Variants in TRAPPC9 observed in about 807,000 individuals in gnomAD.
TRAPPC9 encodes trafficking protein particle complex subunit 9.
Under a neutral mutation model 124.0 loss-of-function variants are expected in TRAPPC9, and 83 were observed. That is an observed-to-expected ratio of 0.67 (90% confidence interval 0.56 to 0.80). The LOEUF is 0.80. Among genes scored for constraint, TRAPPC9 ranks in the 30% least tolerant of loss-of-function variants. The pLI, the probability that TRAPPC9 is intolerant of heterozygous loss-of-function variation, is 0.00. For synonymous variants in TRAPPC9, 638 were observed against 617.5 expected (o/e 1.03, Z -0.49); for missense variants, 1,302 against 1,508.3 (o/e 0.86, Z 2.27).
intron 21 of TRAPPC9, among the ~76,000 whole-genome samples, chr8:139,810,608 G>A (rs1824374581): frequency 6.6e-6 from 1 of 152,180 alleles, no homozygotes; most frequent in South Asian, 2.1e-4. Flanking sequence ...GGATGAACAG[G>A]ACCTCGGTGG....
chr8:140,397,855 C>A, intron 6 of TRAPPC9, 110 bp from the exon 7 acceptor site: 1 of 1,409,006 alleles, frequency 7.1e-7, no homozygotes, highest in Non-Finnish European at 9.9e-7. Context: ...CTTCCCCCAT[C>A]ACAGGGCTCC....
chr8:139,884,110 G>A lies in TRAPPC9; in HGVS notation c.3055+1769C>T, dbSNP rs145060272. Among the ~76,000 whole-genome samples the A allele has an allele frequency of 1.5e-3, 230 of 152,192 alleles. 1 individual carries two copies. Among genetic ancestry groups the A allele is most frequent in the African/African-American group, 5.3e-3 (220 of 41,526 alleles). ...TCAAAGTGAATCGACATTTGTAAACGTGTCTGGCACACCATAAATCCCTCT... is the reference window on the plus strand; with the variant it reads ...TCAAAGTGAATCGACATTTGTAAACATGTCTGGCACACCATAAATCCCTCT... On this transcript the variant is annotated intron_variant, in intron 21 of 22. Coordinates refer to ENST00000438773, the MANE Select transcript of TRAPPC9 (RefSeq NM_001160372.4).
chr8:140,339,731 C>G (rs1433247980), intron 9 of TRAPPC9, among the ~76,000 whole-genome samples: 2 of 152,174 alleles, frequency 1.3e-5, no homozygotes, highest in Non-Finnish European at 2.9e-5. Context: ...GGCTTCAATT[C>G]AATCATCAGA....
intron 19 of TRAPPC9, among the ~76,000 whole-genome samples, chr8:139,948,957 C>T (rs970685148): frequency 6.6e-6 from 1 of 151,998 alleles, no homozygotes; most frequent in Non-Finnish European, 1.5e-5. Flanking sequence ...CCTGTAATCC[C>T]AGCTAATTGG....
In TRAPPC9 at chr8:139,967,400, G is replaced by A. The variant is rs558399137; in HGVS notation, c.2810+21326C>T. 1.9e-3 allele frequency among the ~76,000 whole-genome samples: 294 copies of A among 152,334 alleles called. 2 individuals carry two copies. The highest frequency in any genetic ancestry group is 6.8e-3 in the African/African-American group (282 of 41,570). On this transcript the variant is annotated intron_variant, in intron 19 of 22. Coordinates refer to ENST00000438773, the MANE Select transcript of TRAPPC9 (RefSeq NM_001160372.4). ...CTAAGATTCTGGGCCATTTGTTACT[G>A]GAGAATAACTTATCCTGCACAGAAT...
chr8:139,954,070 T>C (rs530592027), intron 19 of TRAPPC9, among the ~76,000 whole-genome samples: 18 of 152,276 alleles, frequency 1.2e-4, no homozygotes, highest in African/African-American at 4.3e-4. Context: ...AATAGAACTC[T>C]AGAAAGTGCA....
intron 17 of TRAPPC9, among the ~76,000 whole-genome samples, chr8:140,138,280 C>T (rs770861393): frequency 2.3e-4 from 35 of 151,828 alleles, no homozygotes; most frequent in Non-Finnish European, 4.3e-4. Context: ...CCAGCCTGGG[C>T]GACAGAGTGA....
intron 19 of TRAPPC9, among the ~76,000 whole-genome samples, chr8:139,911,029 CA>C (rs1291864672): frequency 6.6e-6 from 1 of 152,088 alleles, no homozygotes; most frequent in African/African-American, 2.4e-5. Context: ...TGGGAGGGGC[CA>C]GGGGCAGAAT....
chr8:140,252,787 ATCC>A lies in TRAPPC9; in HGVS notation c.2418_2420del (p.Gln806_Asp807delinsHis). On this transcript the variant is annotated inframe_deletion, in exon 16 of 23. Coordinates refer to ENST00000438773, the MANE Select transcript of TRAPPC9 (RefSeq NM_001160372.4). The surrounding 1 kb of genome is among the most constrained non-coding windows in gnomAD (Gnocchi z 4.2). ...TAGGAAAGCGCTTACCATCACTGAGATCCTGCAGGAGATTCTCCTGGCAGGAGA... is the reference window on the plus strand; with the variant it reads ...TAGGAAAGCGCTTACCATCACTGAGATGCAGGAGATTCTCCTGGCAGGAGA... 1 of 1,613,970 alleles carries A rather than the reference ATCC, an allele frequency of 6.2e-7. No individual in the cohort carries two copies. Among genetic ancestry groups the A allele is most frequent in the Non-Finnish European group, 8.5e-7 (1 of 1,180,010 alleles).
chr8:140,454,439 G>C (rs974861580), intron 1 of TRAPPC9, among the ~76,000 whole-genome samples: 2 of 152,016 alleles, frequency 1.3e-5, no homozygotes, highest in African/African-American at 2.4e-5. Flanking sequence ...AGGAGTTGGA[G>C]ACCAGCCTGA....
intron 17 of TRAPPC9, among the ~76,000 whole-genome samples, chr8:140,219,438 T>C (rs2063280584): frequency 6.6e-6 from 1 of 152,214 alleles, no homozygotes; most frequent in African/African-American, 2.4e-5. Context: ...CGACATCTGC[T>C]GGCCTGAAGG....
At chr8:139,860,994 T>C (rs1828103218) in intron 21 of TRAPPC9, among the ~76,000 whole-genome samples, 1 of 152,262 alleles carries the variant, frequency 6.6e-6, no homozygotes, top group Non-Finnish European at 1.5e-5. Context: ...GGCTGGCGCC[T>C]ACCGGCTTTC....
At chr8:140,323,799 G>T (rs2066662815) in intron 9 of TRAPPC9, among the ~76,000 whole-genome samples, 1 of 152,062 alleles carries the variant, frequency 6.6e-6, no homozygotes, top group South Asian at 2.1e-4. Flanking sequence ...ATACAAGATG[G>T]TAGACTTGAA....
At chr8:140,181,466 T>C (rs1323486915) in intron 17 of TRAPPC9, among the ~76,000 whole-genome samples, 1 of 152,146 alleles carries the variant, frequency 6.6e-6, no homozygotes, top group African/African-American at 2.4e-5. Flanking sequence ...GTTTTTTGTA[T>C]TTTTAGTAGA....
At chr8:140,340,261 G>C (rs112802489) in intron 9 of TRAPPC9, among the ~76,000 whole-genome samples, 4 of 152,344 alleles carry the variant, frequency 2.6e-5, no homozygotes, top group African/African-American at 9.6e-5. Context: ...AACAATCTTT[G>C]GGTAACAATC....
chr8:140,113,025 A>C (rs971057880), intron 17 of TRAPPC9, among the ~76,000 whole-genome samples: 1 of 152,046 alleles, frequency 6.6e-6, no homozygotes, highest in African/African-American at 2.4e-5. Flanking sequence ...TTTTCTTGAC[A>C]TCAAAAAAAA....
At chr8:139,734,286 A>G (rs963413951) in intron 21 of TRAPPC9, among the ~76,000 whole-genome samples, 1 of 152,212 alleles carries the variant, frequency 6.6e-6, no homozygotes, top group African/African-American at 2.4e-5. Context: ...CAATTCTGAA[A>G]CATTCATGTC....
At chr8:139,922,511 T>A (rs774361274) in intron 19 of TRAPPC9, among the ~76,000 whole-genome samples, 1 of 152,238 alleles carries the variant, frequency 6.6e-6, no homozygotes, top group Non-Finnish European at 1.5e-5. Context: ...ACAAAGCAGA[T>A]GAGGAAACTG....
At chr8:140,137,753 A>G (rs541854944) in intron 17 of TRAPPC9, among the ~76,000 whole-genome samples, 19 of 152,360 alleles carry the variant, frequency 1.2e-4, no homozygotes, top group African/African-American at 4.6e-4. Context: ...GCTCTATCTT[A>G]TATATGAAAC....
Sources: allele counts gnomAD v4.1 joint callset (sites outside exome capture counted in the v4.1 genomes callset), GRCh38; gene constraint gnomAD v4.1.1; non-coding constraint Gnocchi (gnomAD v3.1); transcripts MANE v1.5; gene names NCBI Gene and HGNC (gene_info 2026-07-23, HGNC 2026-07-21).